ADGRB2: variants seen among roughly 807,000 people sequenced by gnomAD.
ADGRB2 encodes adhesion G protein-coupled receptor B2.
In ADGRB2, 47 loss-of-function variants were observed where a neutral mutation model predicts 178.7. The observed-to-expected ratio is 0.26, with a 90% CI of 0.21 to 0.34. The LOEUF (loss-of-function observed/expected upper bound fraction) is 0.34. Ranked by LOEUF, ADGRB2 falls within the 10% of genes least tolerant of loss-of-function variation. The pLI is 1.00. For missense variants in ADGRB2, 1,584 were observed against 2,180.8 expected, an observed-to-expected ratio of 0.73 and a Z score of 5.45; for synonymous variants, 870 against 912.4, an observed-to-expected ratio of 0.95 and a Z score of 0.84.
In ADGRB2 at chr1:31,741,860, C is replaced by G. The variant is rs747667450; in HGVS notation, c.1525G>C (p.Gly509Arg). 6.8e-6 allele frequency: 11 copies of G among 1,610,022 alleles called. No individual in the cohort carries two copies. The highest frequency in any genetic ancestry group is 9.3e-6 in the Non-Finnish European group (11 of 1,177,256). The change falls in exon 9 of 33, where the codon GGC becomes CGC. Residue 509 changes from glycine to arginine, a missense_variant. Coordinates refer to ENST00000373658, the MANE Select transcript of ADGRB2 (RefSeq NM_001364857.2). The surrounding 1 kb of genome is among the most constrained non-coding windows in gnomAD (Gnocchi z 6.5). The part of the protein sequence containing the change: ...FRMCQATGTQ[G>R]YPCEGTGEEV... ...TCTCCGGTGCCCTCGCAGGGGTAGCCCTGCGTGCCCGTGGCCTGGCACATG... is the reference window on the plus strand; with the variant it reads ...TCTCCGGTGCCCTCGCAGGGGTAGCGCTGCGTGCCCGTGGCCTGGCACATG...
intron 6 of ADGRB2, 130 bp from the exon 7 acceptor site, chr1:31,743,132 T>A: frequency 1.8e-6 from 2 of 1,118,702 alleles, no homozygotes. Context: ...TGCCCCGGGA[T>A]CTGTTGCCAG....
chr1:31,751,310 C>T (rs902089110), intron 4 of ADGRB2, among the ~76,000 whole-genome samples: 1 of 152,238 alleles, frequency 6.6e-6, no homozygotes, highest in Non-Finnish European at 1.5e-5. Flanking sequence ...GACACTGGAT[C>T]CTGGACTGAG....
Position 31,731,055 on chromosome 1 carries a change from C to A in ADGRB2, c.4125G>T (p.Arg1375Ser). 1 of 1,585,414 alleles carries A rather than the reference C, an allele frequency of 6.3e-7. No homozygotes were observed. Among genetic ancestry groups the A allele is most frequent in the Non-Finnish European group, 8.6e-7 (1 of 1,165,202 alleles). The change falls in exon 29 of 33, where the codon AGG becomes AGT. Residue 1375 changes from arginine (R) to serine (S), a missense_variant. By Grantham distance (110) the Arg-to-Ser change is moderately radical. Transcript: ENST00000373658. ...GCCGGGGGGTCCCCTCCGGCCGGGC[C>A]CTGGGGGCATCCTCACCACCTCCAC... ...GGGGGGEDAP[R>S]ARPEGTPRRA...
rs1646668626 is a variant in ADGRB2, at chr1:31,753,252, TC to T, written c.838+2746del. 6.6e-6 allele frequency among the ~76,000 whole-genome samples: 1 copy of T among 152,152 alleles called. No homozygotes were observed. Among genetic ancestry groups the T allele is most frequent in the Admixed American group, 6.5e-5 (1 of 15,288 alleles). On this transcript the variant is annotated intron_variant, in intron 4 of 32. Transcript: ENST00000373658. The surrounding 1 kb of genome is among the most constrained non-coding windows in gnomAD (Gnocchi z 4.1). ...CTGCCTGCCTTTCTTTTCTTCCTTT[TC>T]CCCCACTTAACAGATTGCGGCAGCA... is the stretch of plus-strand genomic sequence containing the variant.
chr1:31,737,641 G>A lies in ADGRB2; in HGVS notation c.2876+11C>T, dbSNP rs756115778. 4.3e-6 allele frequency: 7 copies of A among 1,613,508 alleles called. No individual in the cohort carries two copies. Among genetic ancestry groups the A allele is most frequent in the Non-Finnish European group, 3.4e-6 (4 of 1,179,708 alleles). On this transcript the variant is annotated intron_variant, in intron 19 of 32. Coordinates refer to ENST00000373658, the MANE Select transcript of ADGRB2 (RefSeq NM_001364857.2). ...CCTCCCCCAGCCACAAGAGCCAGGT[G>A]TCAGACCTACCTCCAAAAGGCGGCA...
intron 6 of ADGRB2, chr1:31,743,318 A>C (rs900152656): frequency 3.2e-5 from 9 of 284,368 alleles, no homozygotes; most frequent in African/African-American, 1.5e-4. Flanking sequence ...AATTCAGGAA[A>C]GGACCCAGGA....
chr1:31,735,923 C>A lies in ADGRB2; in HGVS notation c.3201-30G>T. The A allele has an allele frequency of 6.4e-7, 1 of 1,553,504 alleles. No homozygotes were observed. Among genetic ancestry groups the A allele is most frequent in the South Asian group, 1.2e-5 (1 of 84,146 alleles). Reference sequence around the variant, plus strand: ...GGTGGGGGAGAAGAAGGGTGTCAGACACCCAGCAGCCTCCCTCCCCACCCT... The same window carrying A: ...GGTGGGGGAGAAGAAGGGTGTCAGAAACCCAGCAGCCTCCCTCCCCACCCT... On this transcript the variant is annotated intron_variant, in intron 22 of 32. Coordinates refer to ENST00000373658, the MANE Select transcript of ADGRB2 (RefSeq NM_001364857.2). This position sits in a 1 kb window ranked among gnomAD's most constrained non-coding sequence, Gnocchi z 6.0.
At position 31,756,825 on chromosome 1, in the gene ADGRB2, G is replaced by C. The variant is rs1557794011; in HGVS notation, c.22-10C>G. 6.9e-7 allele frequency: 1 copy of C among 1,457,840 alleles called. No individual in the cohort carries two copies. Among genetic ancestry groups the C allele is most frequent in the Non-Finnish European group, 9.1e-7 (1 of 1,102,390 alleles). 90.3% of individuals were successfully genotyped at this position (1,457,840 alleles called of 1,614,324 possible). A position where few individuals can be genotyped will look rare whatever the true frequency, so the allele number is the denominator to read the frequency against. On this transcript the variant is annotated splice_polypyrimidine_tract_variant and intron_variant, in intron 3 of 32. Transcript: ENST00000373658. This position sits in a 1 kb window ranked among gnomAD's most constrained non-coding sequence, Gnocchi z 8.5. ...TCCTATGTCCCTTGCCCTGTGGAGA[G>C]AGACAGTGGTCAGCGGGCCCCCAGC...
chr1:31,732,425 C>T (rs780269539), intron 27 of ADGRB2, 92 bp downstream of exon 27: 17 of 1,456,982 alleles, frequency 1.2e-5, no homozygotes, highest in Non-Finnish European at 1.6e-5. Context: ...CCAACCCTGC[C>T]ATGGATGGGG....
chr1:31,755,969 CCGCCCCACCCAGG>C lies in ADGRB2; in HGVS notation c.838+17_838+29del. The C allele has an allele frequency of 5.1e-6, 8 of 1,575,120 alleles. No homozygotes were observed. The highest frequency in any genetic ancestry group is 6.9e-6 in the Non-Finnish European group (8 of 1,156,770). On this transcript the variant is annotated intron_variant, in intron 4 of 32. Transcript: ENST00000373658. The surrounding 1 kb of genome is among the most constrained non-coding windows in gnomAD (Gnocchi z 5.1). The stretch of plus-strand genomic sequence containing the variant: ...GGGACACTGTCAGCCCCTGCAGACC[CCGCCCCACCCAGG>C]CCCTGCTGAGACTCACCATATCTCA...
Position 31,728,022 on chromosome 1 carries a change from C to T in ADGRB2, c.4572+3G>A. 6.4e-7 allele frequency: 1 copy of T among 1,561,878 alleles called. No individual in the cohort carries two copies. Among genetic ancestry groups the T allele is most frequent in the East Asian group, 2.4e-5 (1 of 42,476 alleles). On this transcript the variant is annotated splice_donor_region_variant and intron_variant, in intron 32 of 32. Coordinates refer to ENST00000373658, the MANE Select transcript of ADGRB2 (RefSeq NM_001364857.2). This position sits in a 1 kb window ranked among gnomAD's most constrained non-coding sequence, Gnocchi z 6.7. ...TCACCCCACCCAGCCCGGGGGGACT[C>T]ACGGTGCACACGCTCCGCTCGGCTG...
In ADGRB2 at chr1:31,735,729, T is replaced by C; in HGVS notation, c.3268-64A>G. The C allele has an allele frequency of 6.4e-7, 1 of 1,573,352 alleles. No individual in the cohort carries two copies. ...ACCAGGTGCCCTCCTGGCAGGGAAATCCCCATGTGGGAGCTGGAGCGCAGG... is the reference window on the plus strand; with the variant it reads ...ACCAGGTGCCCTCCTGGCAGGGAAACCCCCATGTGGGAGCTGGAGCGCAGG... On this transcript the variant is annotated intron_variant, in intron 23 of 32. Coordinates refer to ENST00000373658, the MANE Select transcript of ADGRB2 (RefSeq NM_001364857.2). The surrounding 1 kb of genome is among the most constrained non-coding windows in gnomAD (Gnocchi z 6.0).
At position 31,740,488 on chromosome 1, in the gene ADGRB2, C is replaced by A; in HGVS notation, c.1848G>T (p.Ser616=). The change falls in exon 12 of 33, where the codon TCG becomes TCT. Residue 616 remains serine, a synonymous_variant. Coordinates refer to ENST00000373658, the MANE Select transcript of ADGRB2 (RefSeq NM_001364857.2). This position sits in a 1 kb window ranked among gnomAD's most constrained non-coding sequence, Gnocchi z 5.9. ...GCTCCTGCAGGCTGCGCACCACCTGCGACATGCCCTCGCCTGCCAGCATGC... is the reference window on the plus strand; with the variant it reads ...GCTCCTGCAGGCTGCGCACCACCTGAGACATGCCCTCGCCTGCCAGCATGC... The part of the protein sequence containing the change: ...GQRMLAGEGM[S]QVVRSLQELL... 6.2e-7 allele frequency: 1 copy of A among 1,612,968 alleles called. No homozygotes were observed. The highest frequency in any genetic ancestry group is 8.5e-7 in the Non-Finnish European group (1 of 1,179,716).
At chr1:31,742,648 G>A (rs984550360) in intron 7 of ADGRB2, among the ~76,000 whole-genome samples, 190 bp downstream of exon 7, 3 of 152,150 alleles carry the variant, frequency 2.0e-5, no homozygotes, top group African/African-American at 7.2e-5. Flanking sequence ...TCATGTCAGG[G>A]CTAGGGGTCA....
chr1:31,761,604 T>C lies in ADGRB2; in HGVS notation c.-191+2280A>G, dbSNP rs1647043648. Among the ~76,000 whole-genome samples, 2 of 151,806 alleles carry C rather than the reference T, an allele frequency of 1.3e-5. No homozygotes were observed. Among genetic ancestry groups the C allele is most frequent in the South Asian group, 4.2e-4 (2 of 4,806 alleles). ...CTGGCCAGAGCTGATCCCAGAGAAA[T>C]ATAGTGGGAAGTTGCAGGACCAAGG... On this transcript the variant is annotated intron_variant, in intron 1 of 32. Coordinates refer to ENST00000373658, the MANE Select transcript of ADGRB2 (RefSeq NM_001364857.2). This position sits in a 1 kb window ranked among gnomAD's most constrained non-coding sequence, Gnocchi z 4.2.
Position 31,735,583 on chromosome 1 carries a change from G to A in ADGRB2, c.3350C>T (p.Ala1117Val), listed in dbSNP as rs773689534. The A allele has an allele frequency of 6.2e-7, 1 of 1,613,838 alleles. No homozygotes were observed. The highest frequency in any genetic ancestry group is 1.1e-5 in the South Asian group (1 of 91,058). ...GISDKSKKQR[A>V]GSERCPWASL... ...GTCTCAGAGGCCCCCCCCTTACCCG[G>A]CCCTCTGCTTCTTGGATTTGTCGGA... The change falls in exon 24 of 33, where the codon GCC becomes GTC. Residue 1117 changes from alanine (A) to valine (V), a missense_variant. Ala to Val is a moderately conservative substitution (Grantham distance 64). This residue lies in a region of ADGRB2 where 865 missense variants were observed against 1,192.8 expected (regional missense o/e 0.73). Coordinates refer to ENST00000373658, the MANE Select transcript of ADGRB2 (RefSeq NM_001364857.2). This position sits in a 1 kb window ranked among gnomAD's most constrained non-coding sequence, Gnocchi z 6.0.
At chr1:31,738,487 G>GA (rs1325015066) in intron 17 of ADGRB2, 100 bp downstream of exon 17, 11 of 1,532,818 alleles carry the variant, frequency 7.2e-6, no homozygotes, top group Non-Finnish European at 9.7e-6. Flanking sequence ...AGGCTAGGAT[G>GA]GCACCAAAAA....
Position 31,756,900 on chromosome 1 carries a change from C to T in ADGRB2, c.22-85G>A, listed in dbSNP as rs1435814391. Reference sequence around the variant, plus strand: ...TCTATGGTGAGCTGCGGGAGTGGGCCTCATAAGTTAAGACCCTGGTCTTTG... The same window carrying T: ...TCTATGGTGAGCTGCGGGAGTGGGCTTCATAAGTTAAGACCCTGGTCTTTG... On this transcript the variant is annotated intron_variant, in intron 3 of 32. Coordinates refer to ENST00000373658, the MANE Select transcript of ADGRB2 (RefSeq NM_001364857.2). This position sits in a 1 kb window ranked among gnomAD's most constrained non-coding sequence, Gnocchi z 8.5. 3.0e-6 allele frequency: 4 copies of T among 1,340,386 alleles called. No homozygotes were observed. The highest frequency in any genetic ancestry group is 4.0e-6 in the Non-Finnish European group (4 of 1,001,500). 83.0% of individuals were successfully genotyped at this position (1,340,386 alleles called of 1,614,324 possible). A position where few individuals can be genotyped will look rare whatever the true frequency, so the allele number is the denominator to read the frequency against.
In ADGRB2 at chr1:31,733,273, G is replaced by A. The variant is rs996505210; in HGVS notation, c.3453-130C>T. Reference sequence around the variant, plus strand: ...GAGGGCCCCAAACCCCAGGGCCTCAGTAATGTCCCCAAGCAGAGAGGGGCT... The same window carrying A: ...GAGGGCCCCAAACCCCAGGGCCTCAATAATGTCCCCAAGCAGAGAGGGGCT... On this transcript the variant is annotated intron_variant, in intron 25 of 32. Coordinates refer to ENST00000373658, the MANE Select transcript of ADGRB2 (RefSeq NM_001364857.2). The surrounding 1 kb of genome is among the most constrained non-coding windows in gnomAD (Gnocchi z 4.3). 14 of 970,316 alleles carry A rather than the reference G, an allele frequency of 1.4e-5. No individual in the cohort carries two copies. In the African/African-American group the frequency reaches 2.3e-4, roughly 16 times the overall value. 60.1% of individuals were successfully genotyped at this position (970,316 alleles called of 1,614,324 possible).
Sources: allele counts gnomAD v4.1 joint callset (sites outside exome capture counted in the v4.1 genomes callset), GRCh38; gene constraint gnomAD v4.1.1; regional missense constraint gnomAD v4.1.1; non-coding constraint Gnocchi (gnomAD v3.1); transcripts MANE v1.5; gene names NCBI Gene and HGNC (gene_info 2026-07-23, HGNC 2026-07-21).